Variants in RYR3 observed in about 807,000 individuals in gnomAD.
RYR3 encodes the protein brain ryanodine receptor-calcium release channel.
Under a neutral mutation model 584.3 loss-of-function variants are expected in RYR3, and 207 were observed. The ratio of observed to expected loss-of-function variants is 0.35; its 90% CI spans 0.32 to 0.40. The LOEUF is 0.40. Ranked by LOEUF, RYR3 falls within the 10% of genes least tolerant of loss-of-function variation. The pLI is 1.00. For missense variants in RYR3, 5,616 were observed against 6,089.2 expected, an observed-to-expected ratio of 0.92 and a Z score of 2.59; for synonymous variants, 2,416 against 2,248.5, an observed-to-expected ratio of 1.07 and a Z score of -2.11.
At chr15:33,611,491 G>A (rs1391580275) in intron 18 of RYR3, among the ~76,000 whole-genome samples, 1 of 151,796 alleles carries the variant, frequency 6.6e-6, no homozygotes, top group Admixed American at 6.6e-5. Context: ...AGGAGGTGGA[G>A]CTTGCATTGA....
intron 34 of RYR3, 103 bp from the exon 35 acceptor site, chr15:33,662,050 T>A: frequency 1.0e-6 from 1 of 960,696 alleles, no homozygotes; most frequent in South Asian, 1.7e-5. Context: ...CAGAGACCCC[T>A]CCAACCTTCC....
intron 5 of RYR3, chr15:33,539,034 CAG>C (rs1251164747): frequency 1.2e-5 from 2 of 173,528 alleles, no homozygotes; most frequent in African/African-American, 2.4e-5. Context: ...ATTCTCAAAA[CAG>C]AAATTTGAAA....
chr15:33,865,321 A>T lies in RYR3; in HGVS notation c.*95A>T. ...TTCTGCAACATATCTGAAATGTGAC[A>T]TTTTCTAAATGCCTCCCTTAAAAAA... On this transcript the variant is annotated 3_prime_UTR_variant, in exon 104 of 104. Transcript: ENST00000634891. The T allele has an allele frequency of 2.4e-6, 2 of 817,360 alleles. No homozygotes were observed. Among genetic ancestry groups the T allele is most frequent in the South Asian group, 1.8e-5 (1 of 55,464 alleles). 50.6% of individuals were successfully genotyped at this position (817,360 alleles called of 1,614,324 possible).
chr15:33,764,405 C>T (rs1017507906), intron 60 of RYR3, among the ~76,000 whole-genome samples: 1 of 152,012 alleles, frequency 6.6e-6, no homozygotes, highest in Non-Finnish European at 1.5e-5. Context: ...GAGAGGGGAA[C>T]ATCACACACC....
At chr15:33,578,494 A>C (rs888673499) in intron 12 of RYR3, among the ~76,000 whole-genome samples, 2 of 152,140 alleles carry the variant, frequency 1.3e-5, no homozygotes, top group Non-Finnish European at 2.9e-5. Flanking sequence ...ATCCTCAGCA[A>C]ACTAATTCGG....
intron 16 of RYR3, among the ~76,000 whole-genome samples, chr15:33,600,131 C>T (rs1384269216): frequency 6.6e-6 from 1 of 152,124 alleles, no homozygotes; most frequent in South Asian, 2.1e-4. Flanking sequence ...GGTAAGAGTC[C>T]CCCATAAAAC....
intron 43 of RYR3, among the ~76,000 whole-genome samples, chr15:33,716,848 T>C (rs1490027723): frequency 7.2e-6 from 1 of 138,884 alleles, no homozygotes; most frequent in Non-Finnish European, 1.5e-5. Context: ...GATACTTCAA[T>C]AAAACTAGAA....
At chr15:33,674,826 A>C (rs1429977293) in intron 38 of RYR3, among the ~76,000 whole-genome samples, 1 of 151,412 alleles carries the variant, frequency 6.6e-6, no homozygotes, top group Non-Finnish European at 1.5e-5. Flanking sequence ...ACAAAGGCCC[A>C]TGTGCAGCAA....
At chr15:33,819,128 A>G (rs908457568) in intron 76 of RYR3, among the ~76,000 whole-genome samples, 3 of 151,998 alleles carry the variant, frequency 2.0e-5, no homozygotes, top group African/African-American at 7.2e-5. Flanking sequence ...CGTCTCCAGA[A>G]AAAAAGACAT....
At chr15:33,550,739 A>T (rs200376297) in intron 10 of RYR3, among the ~76,000 whole-genome samples, 595 of 5,124 alleles carry the variant, frequency 0.12, 5 homozygotes, top group African/African-American at 0.49. Flanking sequence ...TTTGTTAAAC[A>T]AAAAAAAGAT....
intron 62 of RYR3, among the ~76,000 whole-genome samples, chr15:33,771,207 G>A (rs532072555): frequency 2.6e-5 from 4 of 152,218 alleles, no homozygotes; most frequent in South Asian, 4.2e-4. Context: ...GTCTTACATC[G>A]GAAGAGTTTA....
intron 3 of RYR3, among the ~76,000 whole-genome samples, chr15:33,509,801 C>A (rs1306135475): frequency 6.6e-6 from 1 of 152,146 alleles, no homozygotes; most frequent in Non-Finnish European, 1.5e-5. Flanking sequence ...GGTGCCCTTG[C>A]TCAGGACCTC....
At chr15:33,597,002 C>T (rs1193485632) in intron 16 of RYR3, among the ~76,000 whole-genome samples, 1 of 152,292 alleles carries the variant, frequency 6.6e-6, no homozygotes, top group Admixed American at 6.5e-5. Flanking sequence ...AACAAACCTC[C>T]TTATTGCCTG....
At chr15:33,587,423 T>C (rs774815582) in intron 16 of RYR3, among the ~76,000 whole-genome samples, 1 of 152,194 alleles carries the variant, frequency 6.6e-6, no homozygotes, top group South Asian at 2.1e-4. Context: ...ACACATAGTG[T>C]ACTTAATAAA....
chr15:33,314,885 G>A (rs558663320), intron 1 of RYR3, among the ~76,000 whole-genome samples: 2 of 152,026 alleles, frequency 1.3e-5, no homozygotes, highest in Admixed American at 1.3e-4. Flanking sequence ...CTGGACTCTA[G>A]CCTGGGCGGC....
chr15:33,618,094 A>T (rs1394478240), intron 19 of RYR3, among the ~76,000 whole-genome samples: 1 of 152,192 alleles, frequency 6.6e-6, no homozygotes, highest in African/African-American at 2.4e-5. Flanking sequence ...ACACCCCACA[A>T]GTGGCATGAA....
intron 10 of RYR3, among the ~76,000 whole-genome samples, chr15:33,551,431 A>C (rs1399554225): frequency 6.6e-6 from 1 of 152,108 alleles, no homozygotes; most frequent in African/African-American, 2.4e-5. Flanking sequence ...CTGCTTCCTA[A>C]TGCACCTGAA....
chr15:33,776,783 T>G (rs566494409), intron 64 of RYR3, among the ~76,000 whole-genome samples: 1 of 152,324 alleles, frequency 6.6e-6, no homozygotes, highest in East Asian at 1.9e-4. Flanking sequence ...TGACTTTGTC[T>G]TTTCCTATAT....
chr15:33,517,222 C>T (rs1018043831), intron 3 of RYR3, among the ~76,000 whole-genome samples: 2 of 152,120 alleles, frequency 1.3e-5, no homozygotes, highest in African/African-American at 4.8e-5. Context: ...CTTGAACTCC[C>T]GACCTCGTGA....
Sources: gnomAD v4.1 joint callset for allele counts (sites outside exome capture counted in the v4.1 genomes callset) on GRCh38, gnomAD v4.1.1 for gene constraint, MANE v1.5 for transcripts, NCBI Gene and HGNC (gene_info 2026-07-23, HGNC 2026-07-21) for gene names.